Variants in DCDC2C observed in about 807,000 individuals in gnomAD.
The protein encoded by DCDC2C is doublecortin domain-containing protein 2C.
DCDC2C carries 44 observed loss-of-function variants against 45.0 expected under a neutral mutation model. The ratio of observed to expected loss-of-function variants is 0.98; its 90% CI spans 0.77 to 1.26. The LOEUF is 1.26. DCDC2C is among the 50% of genes most tolerant of loss of function. DCDC2C has a pLI of 0.00. For synonymous variants in DCDC2C, 187 were observed against 178.8 expected (o/e 1.05, Z -0.37); for missense variants, 447 against 468.9 (o/e 0.95, Z 0.43).
At chr2:3,839,562 C>T (rs953655482) in intron 10 of DCDC2C, among the ~76,000 whole-genome samples, 5 of 152,226 alleles carry the variant, frequency 3.3e-5, no homozygotes, top group Non-Finnish European at 7.3e-5. Context: ...AAGTCTGATT[C>T]TTGGTGGCCT....
intron 9 of DCDC2C, among the ~76,000 whole-genome samples, chr2:3,782,297 C>G (rs1558225144): frequency 6.6e-6 from 1 of 152,142 alleles, no homozygotes; most frequent in Non-Finnish European, 1.5e-5. Context: ...GAAGTGGGAG[C>G]AATCAAAATC....
At chr2:3,806,192 A>G (rs889437610) in intron 10 of DCDC2C, among the ~76,000 whole-genome samples, 2 of 152,104 alleles carry the variant, frequency 1.3e-5, no homozygotes, top group Admixed American at 6.5e-5. Context: ...TTTGCACTTC[A>G]TGACTCCCTT....
At chr2:3,728,811 G>A (rs141631483) in intron 3 of DCDC2C, among the ~76,000 whole-genome samples, 3 of 152,366 alleles carry the variant, frequency 2.0e-5, no homozygotes, top group South Asian at 2.1e-4. Flanking sequence ...GAGAGTTGGC[G>A]AGGGAGTGAA....
At chr2:3,757,022 G>A (rs750717479) in intron 6 of DCDC2C, among the ~76,000 whole-genome samples, 18 of 152,118 alleles carry the variant, frequency 1.2e-4, no homozygotes, top group Non-Finnish European at 2.2e-4. Context: ...ATATATAAAG[G>A]TCTGCATCTG....
At chr2:3,811,602 A>T (rs1211178975) in intron 10 of DCDC2C, among the ~76,000 whole-genome samples, 2 of 152,160 alleles carry the variant, frequency 1.3e-5, no homozygotes, top group East Asian at 3.9e-4. Flanking sequence ...CCTGGCCAGA[A>T]CTTCCAATAC....
chr2:3,837,469 G>A (rs975103671), intron 10 of DCDC2C, among the ~76,000 whole-genome samples: 1 of 152,156 alleles, frequency 6.6e-6, no homozygotes, highest in Non-Finnish European at 1.5e-5. Flanking sequence ...TAGGCTGTAG[G>A]GGAGCACACA....
At chr2:3,742,102 CT>C in intron 4 of DCDC2C, 54 bp downstream of exon 4, 1 of 1,470,988 alleles carries the variant, frequency 6.8e-7, no homozygotes, top group South Asian at 1.4e-5. Context: ...TGTGTTTATT[CT>C]TTCTATGAGA....
intron 9 of DCDC2C, among the ~76,000 whole-genome samples, chr2:3,784,768 T>C (rs1466227): frequency 0.72 from 109,466 of 151,946 alleles, 39,879 homozygotes; most frequent in East Asian, 0.92. Flanking sequence ...AATCAAAGTG[T>C]AACAGAGAAT....
chr2:3,771,032 G>T (rs1291605343), intron 8 of DCDC2C, among the ~76,000 whole-genome samples: 2 of 152,336 alleles, frequency 1.3e-5, no homozygotes, highest in South Asian at 2.1e-4. Flanking sequence ...GCTGTCAAGC[G>T]GCAATATTAA....
intron 8 of DCDC2C, among the ~76,000 whole-genome samples, chr2:3,774,852 T>C (rs2003328): frequency 0.48 from 72,594 of 151,590 alleles, 17,660 homozygotes; most frequent in East Asian, 0.67. Flanking sequence ...CTGCAACCTC[T>C]GCCTCCCAGT....
intron 6 of DCDC2C, 144 bp from the exon 7 acceptor site, chr2:3,767,610 G>C: frequency 1.2e-6 from 1 of 848,914 alleles, no homozygotes; most frequent in South Asian, 1.8e-5. Flanking sequence ...TGCATTCGAA[G>C]TGAGGCTTCT....
At position 3,727,094 on chromosome 2, in the gene DCDC2C, A is replaced by G. The variant is rs1341930380; in HGVS notation, c.416+15A>G. On this transcript the variant is annotated intron_variant, in intron 3 of 10. Transcript: ENST00000399143. ...CGACATATAAAGTGAGTATAATATT[A>G]TGGGTGAAAAAATCAAACTGTGCCA... 14 of 1,540,910 alleles carry G rather than the reference A, an allele frequency of 9.1e-6. No homozygotes were observed. The highest frequency in any genetic ancestry group is 1.7e-4 in the Middle Eastern group (1 of 5,934).
At chr2:3,812,814 T>C (rs1671434574) in intron 10 of DCDC2C, among the ~76,000 whole-genome samples, 1 of 152,114 alleles carries the variant, frequency 6.6e-6, no homozygotes, top group Non-Finnish European at 1.5e-5. Flanking sequence ...ACTTCTTGAT[T>C]TCTGTCTCAA....
chr2:3,707,717 C>G (rs922144367), intron 1 of DCDC2C, among the ~76,000 whole-genome samples: 1 of 152,176 alleles, frequency 6.6e-6, no homozygotes, highest in Non-Finnish European at 1.5e-5. Flanking sequence ...CAGCCACAGC[C>G]CCCACCAGTC....
At chr2:3,801,721 TG>T (rs1222257597) in intron 10 of DCDC2C, among the ~76,000 whole-genome samples, 2 of 152,250 alleles carry the variant, frequency 1.3e-5, no homozygotes, top group African/African-American at 4.8e-5. Flanking sequence ...GCTTCTGTAC[TG>T]GGAGCTTACA....
At chr2:3,846,822 G>C (rs1672344489) in intron 10 of DCDC2C, among the ~76,000 whole-genome samples, 1 of 152,084 alleles carries the variant, frequency 6.6e-6, no homozygotes, top group Non-Finnish European at 1.5e-5. Flanking sequence ...GGAGTGAGAA[G>C]GGGGAGAAGA....
chr2:3,733,074 C>T (rs776025455), intron 3 of DCDC2C, among the ~76,000 whole-genome samples: 7 of 152,156 alleles, frequency 4.6e-5, no homozygotes, highest in Admixed American at 1.3e-4. Context: ...CAACTGATGT[C>T]GTGGAGGCAT....
chr2:3,704,208 C>T (rs1477988403), intron 1 of DCDC2C, 170 bp downstream of exon 1: 7 of 592,532 alleles, frequency 1.2e-5, no homozygotes, highest in Non-Finnish European at 1.7e-5. Context: ...CCCCAGGCCA[C>T]GTGGTTTCCT....
At chr2:3,771,563 C>T (rs914123172) in intron 8 of DCDC2C, among the ~76,000 whole-genome samples, 1 of 152,230 alleles carries the variant, frequency 6.6e-6, no homozygotes, top group Non-Finnish European at 1.5e-5. Context: ...CTGTTTATTT[C>T]CCCACGAACC....
Sources: gnomAD v4.1 joint callset for allele counts (sites outside exome capture counted in the v4.1 genomes callset) on GRCh38, gnomAD v4.1.1 for gene constraint, MANE v1.5 for transcripts, NCBI Gene and HGNC (gene_info 2026-07-23, HGNC 2026-07-21) for gene names.